MED12L: variants seen among roughly 807,000 people sequenced by gnomAD.
The protein encoded by MED12L is mediator of RNA polymerase II transcription subunit 12-like protein.
A neutral mutation model predicts 281.3 loss-of-function variants in MED12L; 60 were observed. That is an observed-to-expected ratio of 0.21 (90% CI 0.17 to 0.26). MED12L has a LOEUF of 0.26. Ranked by LOEUF, MED12L falls within the 10% of genes least tolerant of loss-of-function variation. The pLI is 1.00. For missense variants in MED12L, 2,146 were observed against 2,680.9 expected (o/e 0.80, Z 4.41); for synonymous variants, 974 against 987.2 (o/e 0.99, Z 0.25).
At chr3:151,152,133 T>C (rs560658219) in intron 5 of MED12L, among the ~76,000 whole-genome samples, 2 of 127,910 alleles carry the variant, frequency 1.6e-5, no homozygotes, top group African/African-American at 5.7e-5. Flanking sequence ...AGGGTCTCAC[T>C]CGGTTGCCCA....
intron 16 of MED12L, among the ~76,000 whole-genome samples, chr3:151,267,894 A>G (rs1740144307): frequency 6.6e-6 from 1 of 152,160 alleles, no homozygotes; most frequent in African/African-American, 2.4e-5. Flanking sequence ...GCTTTTTAAA[A>G]TTTCTTTGTA....
chr3:151,290,710 A>G (rs539547461), intron 16 of MED12L, among the ~76,000 whole-genome samples: 67 of 151,898 alleles, frequency 4.4e-4, no homozygotes, highest in African/African-American at 1.6e-3. Flanking sequence ...TCCATATTAC[A>G]CTGAACTAGG....
intron 42 of MED12L, among the ~76,000 whole-genome samples, chr3:151,415,952 C>A (rs911635597): frequency 3.9e-5 from 6 of 152,142 alleles, no homozygotes; most frequent in Non-Finnish European, 8.8e-5. Flanking sequence ...CAGTCCCCGT[C>A]CAACCTGTAG....
chr3:151,152,122 CAG>C (rs1718629179), intron 5 of MED12L, among the ~76,000 whole-genome samples: 1 of 88,556 alleles, frequency 1.1e-5, no homozygotes. Context: ...TTTTTGGAGA[CAG>C]GGTCTCACTC....
At chr3:151,342,599 AT>A (rs1451913060) in intron 16 of MED12L, among the ~76,000 whole-genome samples, 3 of 152,188 alleles carry the variant, frequency 2.0e-5, no homozygotes, top group Non-Finnish European at 4.4e-5. Flanking sequence ...AGGACCACTG[AT>A]TTAAATGGAA....
intron 5 of MED12L, among the ~76,000 whole-genome samples, chr3:151,134,263 T>A (rs1363743879): frequency 6.6e-6 from 1 of 152,002 alleles, no homozygotes; most frequent in Non-Finnish European, 1.5e-5. Flanking sequence ...CCACGGTTCT[T>A]CTGTTGTGCA....
chr3:151,337,530 G>T, intron 16 of MED12L: 2 of 318,708 alleles, frequency 6.3e-6, no homozygotes, highest in East Asian at 6.1e-5. Context: ...ACTCATTTTG[G>T]CAAAACTCTG....
intron 2 of MED12L, among the ~76,000 whole-genome samples, chr3:151,095,521 C>G (rs112994455): frequency 6.6e-6 from 1 of 151,926 alleles, no homozygotes; most frequent in Admixed American, 6.6e-5. Flanking sequence ...TATTTTTAGT[C>G]GAGATGGACT....
At chr3:151,175,786 G>A (rs78035431) in intron 11 of MED12L, among the ~76,000 whole-genome samples, 1,880 of 152,224 alleles carry the variant, frequency 0.012, 30 homozygotes, top group African/African-American at 0.037. Context: ...CAAATCCCCC[G>A]ATGTTGAAAA....
chr3:151,355,018 C>T lies in MED12L; in HGVS notation c.2399-103C>T. On this transcript the variant is annotated intron_variant, in intron 17 of 44. Transcript: ENST00000687756. ...TTTATTGAAATTCATAGAATTTGTG[C>T]ACTTTTCTGTATGTATGCTATACTT... 7 of 777,096 alleles carry T rather than the reference C, an allele frequency of 9.0e-6. No individual in the cohort carries two copies. The South Asian group carries it at 1.1e-4, about 12-fold the overall frequency. The allele number at this position is 777,096 out of a possible 1,614,324, so 48.1% of individuals were successfully genotyped here. A position where few individuals can be genotyped will look rare whatever the true frequency, so the allele number is the denominator to read the frequency against.
intron 2 of MED12L, among the ~76,000 whole-genome samples, chr3:151,110,201 C>T (rs1711653648): frequency 6.6e-6 from 1 of 152,144 alleles, no homozygotes; most frequent in African/African-American, 2.4e-5. Flanking sequence ...AATTTGGACT[C>T]TCCTCTTTCT....
intron 19 of MED12L, among the ~76,000 whole-genome samples, chr3:151,356,885 G>A (rs1753995558): frequency 6.6e-6 from 1 of 152,018 alleles, no homozygotes; most frequent in South Asian, 2.1e-4. Flanking sequence ...GAAAAGAAAA[G>A]CCAAATAACT....
chr3:151,085,725 G>T lies in MED12L; in HGVS notation c.-341G>T, dbSNP rs1021547401. ...TCGGAAGCTCGCGCTCCCGGGCCGTGGGGGCGAGAACGCCGGCGGCGAGCC... is the reference window on the plus strand; with the variant it reads ...TCGGAAGCTCGCGCTCCCGGGCCGTTGGGGCGAGAACGCCGGCGGCGAGCC... On this transcript the variant is annotated 5_prime_UTR_variant, in exon 1 of 45. Transcript: ENST00000687756. 1 of 152,076 alleles carries T rather than the reference G, an allele frequency of 6.6e-6. No homozygotes were observed. Among genetic ancestry groups the T allele is most frequent in the Non-Finnish European group, 1.5e-5 (1 of 68,002 alleles). The allele number at this position is 152,076 out of a possible 1,614,324, so 9.4% of individuals were successfully genotyped here. A position where few individuals can be genotyped will look rare whatever the true frequency, so the allele number is the denominator to read the frequency against.
In MED12L at chr3:151,199,090, A is replaced by G. The variant is rs552659115; in HGVS notation, c.2250+5424A>G. On this transcript the variant is annotated intron_variant, in intron 16 of 44. Transcript: ENST00000687756. ...CAAATGCTAAGAAGATAATTGATAA[A>G]TACATATTGATATAGATGAGGCAGG... The G allele has an allele frequency of 1.9e-6, 3 of 1,613,950 alleles. No individual in the cohort carries two copies. In the South Asian group the frequency reaches 3.3e-5, roughly 18 times the overall value.
At chr3:151,386,521 C>A (rs1713376712) in intron 36 of MED12L, among the ~76,000 whole-genome samples, 1 of 151,076 alleles carries the variant, frequency 6.6e-6, no homozygotes, top group South Asian at 2.1e-4. Context: ...TCCTGAGTAC[C>A]TGGGATTACA....
At chr3:151,270,557 C>T (rs1740755190) in intron 16 of MED12L, among the ~76,000 whole-genome samples, 1 of 152,106 alleles carries the variant, frequency 6.6e-6, no homozygotes, top group East Asian at 1.9e-4. Context: ...GCTCAGAACA[C>T]TGTGTCTCTG....
At chr3:151,349,767 A>G (rs1752989479) in intron 16 of MED12L, among the ~76,000 whole-genome samples, 1 of 152,218 alleles carries the variant, frequency 6.6e-6, no homozygotes, top group Non-Finnish European at 1.5e-5. Context: ...ATTTTAAACA[A>G]TGAAAAGTTT....
intron 28 of MED12L, among the ~76,000 whole-genome samples, 161 bp downstream of exon 28, chr3:151,376,375 G>A (rs1249990774): frequency 2.0e-5 from 3 of 152,010 alleles, no homozygotes; most frequent in Non-Finnish European, 4.4e-5. Flanking sequence ...ATTTTTGGGT[G>A]GATGTACATG....
chr3:151,362,690 G>A (rs1754761939), intron 21 of MED12L, among the ~76,000 whole-genome samples: 1 of 152,012 alleles, frequency 6.6e-6, no homozygotes, highest in Non-Finnish European at 1.5e-5. Context: ...GTGTCTTGAA[G>A]AGTATGTGGC....
Sources: gnomAD v4.1 joint callset for allele counts (sites outside exome capture counted in the v4.1 genomes callset) on GRCh38, gnomAD v4.1.1 for gene constraint, MANE v1.5 for transcripts, NCBI Gene and HGNC (gene_info 2026-07-23, HGNC 2026-07-21) for gene names.